The following PHLDB3 variants were observed in gnomAD, a reference collection of about 807,000 sequenced individuals.
PHLDB3 encodes the protein pleckstrin homology-like domain family B member 3.
PHLDB3 carries 86 observed loss-of-function variants against 85.7 expected under a neutral mutation model. That is an observed-to-expected ratio of 1.00 (90% CI 0.84 to 1.20). PHLDB3 has a LOEUF of 1.20. Among genes scored for constraint, PHLDB3 ranks in the 50% most tolerant of loss-of-function variants. PHLDB3 has a pLI of 0.00. For missense variants in PHLDB3, 995 were observed against 873.0 expected (o/e 1.14, Z -1.76); for synonymous variants, 376 against 349.8 (o/e 1.07, Z -0.83).
intron 13 of PHLDB3, 67 bp downstream of exon 13, chr19:43,486,199 A>C: frequency 7.1e-7 from 1 of 1,409,196 alleles, no homozygotes; most frequent in Non-Finnish European, 9.4e-7. Context: ...AGATGTAAGA[A>C]AGGGCATAGG....
chr19:43,486,951 C>A (rs952716467), intron 10 of PHLDB3, 73 bp downstream of exon 10: 1 of 1,477,082 alleles, frequency 6.8e-7, no homozygotes, highest in Non-Finnish European at 9.0e-7. Context: ...GGCATAGGTG[C>A]GGGTTTCCTC....
rs546524936 is a variant in PHLDB3 at position 43,476,061 on chromosome 19, C to T, written c.1789-517G>A. Among the ~76,000 whole-genome samples, 6 of 152,322 alleles carry T rather than the reference C, an allele frequency of 3.9e-5. No homozygotes were observed. The East Asian group carries it at 1.2e-3, about 29-fold the overall frequency. ...CCGCCTGCTTCGGCCTCCCAGAGTG[C>T]TGGGCTTACAGGCGTGAGCCACTGT... On this transcript the variant is annotated intron_variant, in intron 15 of 15. Transcript: ENST00000292140.
chr19:43,484,182 C>T (rs1971103383), intron 13 of PHLDB3, among the ~76,000 whole-genome samples: 1 of 145,838 alleles, frequency 6.9e-6, no homozygotes, highest in Non-Finnish European at 1.5e-5. Flanking sequence ...ACCCTGGAGG[C>T]GGAGATTGCA....
At chr19:43,497,082 C>A in intron 6 of PHLDB3, 36 bp downstream of exon 6, 2 of 1,402,518 alleles carry the variant, frequency 1.4e-6, no homozygotes, top group Non-Finnish European at 1.9e-6. Flanking sequence ...CAGAGAGGAG[C>A]AGCAAGGGGG....
At position 43,487,117 on chromosome 19, in the gene PHLDB3, T is replaced by C. The variant is rs1971188223; in HGVS notation, c.1156A>G (p.Ile386Val). The C allele has an allele frequency of 2.6e-6, 4 of 1,559,586 alleles. No individual in the cohort carries two copies. The highest frequency in any genetic ancestry group is 4.8e-5 in the East Asian group (2 of 41,826). The change falls in exon 10 of 16, where the codon ATT becomes GTT. Residue 386 changes from isoleucine (I) to valine (V), a missense_variant. Coordinates refer to ENST00000292140, the MANE Select transcript of PHLDB3 (RefSeq NM_198850.4). The stretch of plus-strand genomic sequence containing the variant: ...AGGCTCCCAGTCCTCTGGAGGCCAA[T>C]GGAGCCCTGAAAACACAAAAGGCTC... ...FSVHSSLQGSIGLQRTGSLPR... is the reference protein window; with the variant it reads ...FSVHSSLQGSVGLQRTGSLPR...
In PHLDB3 at chr19:43,502,228, G is replaced by T; in HGVS notation, c.269C>A (p.Ser90Ter). Residue 90 changes from serine (S) to a stop codon, truncating the protein, a stop_gained, in exon 3 of 16, where the codon TCG (serine) becomes TAG (stop). Transcript: ENST00000292140. LOFTEE classifies it high-confidence loss of function. ...MAATPPASTSSREGVRGAARR... is the reference protein window; with the variant it reads ...MAATPPASTS ...CGCCGCCCCTCGCACCCCTTCCCGCGAAGAGGTGGATGCGGGAGGTGTGGC... is the reference window on the plus strand; with the variant it reads ...CGCCGCCCCTCGCACCCCTTCCCGCTAAGAGGTGGATGCGGGAGGTGTGGC... 6.4e-7 allele frequency: 1 copy of T among 1,564,020 alleles called. No homozygotes were observed. The highest frequency in any genetic ancestry group is 1.9e-5 in the Admixed American group (1 of 52,450).
At chr19:43,477,980 A>T (rs1970962911) in intron 15 of PHLDB3, 67 bp downstream of exon 15, 2 of 1,305,206 alleles carry the variant, frequency 1.5e-6, no homozygotes, top group East Asian at 2.3e-5. Flanking sequence ...TGAGCCAGGG[A>T]TGAGATAAGG....
In PHLDB3 at chr19:43,475,167, C is replaced by G; in HGVS notation, c.*243G>C. On this transcript the variant is annotated 3_prime_UTR_variant, in exon 16 of 16. Transcript: ENST00000292140. ...GCACCAATAAATAGTTTCTTCCCGC[C>G]CCTGCAATCTTCCTCCTGCCCCGGG... 1 of 497,056 alleles carries G rather than the reference C, an allele frequency of 2.0e-6. No individual in the cohort carries two copies. Among genetic ancestry groups the G allele is most frequent in the East Asian group, 3.5e-5 (1 of 28,268 alleles). 30.8% of individuals were successfully genotyped at this position (497,056 alleles called of 1,614,324 possible).
chr19:43,502,305 T>G (rs1315230206), intron 2 of PHLDB3, 22 bp from the exon 3 acceptor site: 1 of 1,539,350 alleles, frequency 6.5e-7, no homozygotes, highest in Non-Finnish European at 8.7e-7. Context: ...GGGGGCGTGG[T>G]TAAGTGGAGA....
chr19:43,497,869 C>T lies in PHLDB3; in HGVS notation c.542G>A (p.Arg181Lys). ...RGRQQREQEQRRLSQERDRLE... is the reference protein window; with the variant it reads ...RGRQQREQEQKRLSQERDRLE... ...GCGATCCCGTTCCTGGCTCAGCCGCCTCTGTTCCTGAAAGAACAACAAGGT... is the reference window on the plus strand; with the variant it reads ...GCGATCCCGTTCCTGGCTCAGCCGCTTCTGTTCCTGAAAGAACAACAAGGT... The change falls in exon 5 of 16, where the codon AGG becomes AAG. Residue 181 changes from arginine to lysine, a missense_variant. By Grantham distance (26) the Arg-to-Lys change is conservative. Coordinates refer to ENST00000292140, the MANE Select transcript of PHLDB3 (RefSeq NM_198850.4). 4 of 1,589,632 alleles carry T rather than the reference C, an allele frequency of 2.5e-6. No homozygotes were observed. The highest frequency in any genetic ancestry group is 3.4e-6 in the Non-Finnish European group (4 of 1,168,566).
In PHLDB3 at chr19:43,487,080, CT is replaced by C; in HGVS notation, c.1192del (p.Arg398GlyfsTer43). On this transcript the variant is annotated frameshift_variant, in exon 10 of 16. Coordinates refer to ENST00000292140, the MANE Select transcript of PHLDB3 (RefSeq NM_198850.4). LOFTEE classifies it high-confidence loss of function. ...TCCTCTCTGGCTCCCCCTCTCCCCC[CT>C]TTTCCGGGGCAGGCTCCCAGTCCTC... ...LQRTGSLPRKRGERGSQRGSP... is the reference protein window; with the variant it reads ...LQRTGSLPRKXGERGSQRGSP... 2 of 1,577,662 alleles carry C rather than the reference CT, an allele frequency of 1.3e-6. No homozygotes were observed. Among genetic ancestry groups the C allele is most frequent in the Admixed American group, 1.9e-5 (1 of 54,046 alleles).
chr19:43,500,908 TAC>T (rs1491124973), intron 4 of PHLDB3, among the ~76,000 whole-genome samples: 198 of 8,312 alleles, frequency 0.024, 30 homozygotes, highest in African/African-American at 0.078. Flanking sequence ...CCGCCCCCCG[TAC>T]CCCCCCCCCA....
intron 1 of PHLDB3, 30 bp from the exon 2 acceptor site, chr19:43,504,162 G>C (rs1450093312): frequency 2.6e-6 from 4 of 1,531,358 alleles, no homozygotes; most frequent in Non-Finnish European, 8.8e-7. Context: ...AGAAGCTCCG[G>C]GGGCGGGGCC....
At position 43,475,230 on chromosome 19, in the gene PHLDB3, G is replaced by A; in HGVS notation, c.*180C>T. The A allele has an allele frequency of 1.2e-6, 1 of 818,236 alleles. No individual in the cohort carries two copies. The allele number at this position is 818,236 out of a possible 1,614,324, so 50.7% of individuals were successfully genotyped here. A position where few individuals can be genotyped will look rare whatever the true frequency, so the allele number is the denominator to read the frequency against. On this transcript the variant is annotated 3_prime_UTR_variant, in exon 16 of 16. Coordinates refer to ENST00000292140, the MANE Select transcript of PHLDB3 (RefSeq NM_198850.4). ...GGCCGGCGATCCCGTCGGGGGCAAG[G>A]CACCTGCAACCCAGAACGCAGCAGC... is the stretch of plus-strand genomic sequence containing the variant.
intron 9 of PHLDB3, among the ~76,000 whole-genome samples, chr19:43,488,841 C>T (rs1236756553): frequency 6.6e-6 from 1 of 151,764 alleles, no homozygotes; most frequent in Non-Finnish European, 1.5e-5. Flanking sequence ...ACTCTGTTGC[C>T]CAGGCTGGAG....
chr19:43,489,683 TG>T (rs1397552699), intron 9 of PHLDB3, among the ~76,000 whole-genome samples: 5 of 151,966 alleles, frequency 3.3e-5, no homozygotes, highest in African/African-American at 1.2e-4. Context: ...AAAAAAAGTT[TG>T]TTTTTTTTTG....
At position 43,497,134 on chromosome 19, in the gene PHLDB3, C is replaced by A; in HGVS notation, c.809G>T (p.Ser270Ile). Residue 270 changes from serine (S) to isoleucine (I), a missense_variant, in exon 6 of 16, where the codon AGC (serine) becomes ATC (isoleucine). Coordinates refer to ENST00000292140, the MANE Select transcript of PHLDB3 (RefSeq NM_198850.4). Reference sequence around the variant, plus strand: ...ATGACTCACTCTGTGCTGCGCCATGCTGGCCTGGAGTTCCTGGACCTTGGG... The same window carrying A: ...ATGACTCACTCTGTGCTGCGCCATGATGGCCTGGAGTTCCTGGACCTTGGG... ...PDPKVQELQA[S>I]MAQHRRGALQ... 6.5e-7 allele frequency: 1 copy of A among 1,537,890 alleles called. No homozygotes were observed. The highest frequency in any genetic ancestry group is 1.2e-5 in the South Asian group (1 of 81,900).
intron 9 of PHLDB3, among the ~76,000 whole-genome samples, chr19:43,491,669 T>TC (rs1873461076): frequency 5.1e-5 from 1 of 19,766 alleles, no homozygotes; most frequent in Admixed American, 3.3e-4. Context: ...ACCCAGCTAA[T>TC]TTTTTTTTTT....
chr19:43,501,926 C>A, intron 3 of PHLDB3, 55 bp from the exon 4 acceptor site: 2 of 1,524,504 alleles, frequency 1.3e-6, no homozygotes, highest in Non-Finnish European at 8.8e-7. Flanking sequence ...AAGGAAGAGG[C>A]CCAGGGCCTG....
Sources: gnomAD v4.1 joint callset for allele counts (sites outside exome capture counted in the v4.1 genomes callset) on GRCh38, gnomAD v4.1.1 for gene constraint, MANE v1.5 for transcripts, NCBI Gene and HGNC (gene_info 2026-07-23, HGNC 2026-07-21) for gene names.